The following ARHGAP24 variants were observed in gnomAD, a reference collection of about 807,000 sequenced individuals.
ARHGAP24 encodes the protein rho GTPase-activating protein 24.
A neutral mutation model predicts 76.4 loss-of-function variants in ARHGAP24; 50 were observed. The observed-to-expected ratio is 0.65, with a 90% CI of 0.52 to 0.83. The LOEUF is 0.83. ARHGAP24 is among the 40% of genes least tolerant of loss of function. The pLI, the probability that ARHGAP24 is intolerant of heterozygous loss-of-function variation, is 0.00. For missense variants in ARHGAP24, 930 were observed against 914.2 expected (o/e 1.02, Z -0.22); for synonymous variants, 345 against 323.3 (o/e 1.07, Z -0.72).
chr4:85,570,689 T>A lies in ARHGAP24; in HGVS notation c.148T>A (p.Tyr50Asn), dbSNP rs750770441. 3.7e-6 allele frequency: 6 copies of A among 1,614,092 alleles called. No individual in the cohort carries two copies. The South Asian group carries it at 6.6e-5, about 18-fold the overall frequency. ...TGTGCTCAAGGGGGATCAGCTCTAT[T>A]ATTTCAAAGATGAAGATGAAACCAA... ...WFVLKGDQLY[Y>N]FKDEDETKPL... is the part of the protein sequence containing the mutation. Residue 50 changes from tyrosine to asparagine, a missense_variant, in exon 2 of 10, where the codon TAT becomes AAT. Coordinates refer to ENST00000395184, the MANE Select transcript of ARHGAP24 (RefSeq NM_001025616.3).
chr4:85,807,503 G>A (rs1487599549), intron 3 of ARHGAP24, among the ~76,000 whole-genome samples: 1 of 152,112 alleles, frequency 6.6e-6, no homozygotes, highest in African/African-American at 2.4e-5. Context: ...CCAGGATGTT[G>A]AATAAATAAA....
chr4:85,955,207 T>C (rs1183500748), intron 5 of ARHGAP24, among the ~76,000 whole-genome samples: 1 of 151,914 alleles, frequency 6.6e-6, no homozygotes, highest in Non-Finnish European at 1.5e-5. Flanking sequence ...ACTATTTGAA[T>C]AAGCCCATGC....
intron 2 of ARHGAP24, among the ~76,000 whole-genome samples, chr4:85,620,551 C>T (rs1560555882): frequency 6.6e-6 from 1 of 151,438 alleles, no homozygotes; most frequent in Non-Finnish European, 1.5e-5. Context: ...TTAATCAAAT[C>T]TTTCTAGCCA....
intron 8 of ARHGAP24, among the ~76,000 whole-genome samples, chr4:85,987,909 C>T (rs1313473850): frequency 6.6e-6 from 1 of 151,708 alleles, no homozygotes; most frequent in Non-Finnish European, 1.5e-5. Flanking sequence ...AAGAGAAAAG[C>T]TTAAGAGCAG....
intron 1 of ARHGAP24, among the ~76,000 whole-genome samples, chr4:85,530,807 C>G (rs999482064): frequency 6.6e-6 from 1 of 151,966 alleles, no homozygotes; most frequent in Non-Finnish European, 1.5e-5. Flanking sequence ...CTAGGAAATT[C>G]ATTCTCAAAA....
chr4:85,809,108 C>T (rs1728907853), intron 3 of ARHGAP24, among the ~76,000 whole-genome samples: 1 of 152,134 alleles, frequency 6.6e-6, no homozygotes, highest in African/African-American at 2.4e-5. Flanking sequence ...GCCTCAGGGT[C>T]AACTGGTCTA....
intron 3 of ARHGAP24, among the ~76,000 whole-genome samples, chr4:85,816,677 C>G (rs1729254283): frequency 6.6e-6 from 1 of 152,074 alleles, no homozygotes; most frequent in Admixed American, 6.5e-5. Flanking sequence ...TCAGTAGACA[C>G]TGAGGTTGAT....
chr4:85,973,833 GTTTT>G (rs1199796194), intron 6 of ARHGAP24, among the ~76,000 whole-genome samples: 4 of 42,824 alleles, frequency 9.3e-5, no homozygotes, highest in South Asian at 1.1e-3. Flanking sequence ...GCTGCCTATT[GTTTT>G]TTTTTTTTTT....
At chr4:85,922,877 T>A (rs894597443) in intron 3 of ARHGAP24, among the ~76,000 whole-genome samples, 1 of 152,166 alleles carries the variant, frequency 6.6e-6, no homozygotes, top group Non-Finnish European at 1.5e-5. Flanking sequence ...AAAGTTGATA[T>A]TAGAGATTAT....
chr4:85,724,637 C>T (rs1488016283), intron 3 of ARHGAP24, among the ~76,000 whole-genome samples: 1 of 151,432 alleles, frequency 6.6e-6, no homozygotes, highest in Non-Finnish European at 1.5e-5. Context: ...AATTGAGCGT[C>T]TCAGGTCTTT....
intron 1 of ARHGAP24, among the ~76,000 whole-genome samples, chr4:85,478,851 C>A (rs959221013): frequency 1.3e-5 from 2 of 152,196 alleles, no homozygotes; most frequent in East Asian, 1.9e-4. Flanking sequence ...TTAATCATTT[C>A]ATCTTGTCTG....
At chr4:85,930,441 G>A (rs185378091) in intron 4 of ARHGAP24, 1 of 986,636 alleles carries the variant, frequency 1.0e-6, no homozygotes, top group African/African-American at 1.7e-5. Flanking sequence ...GATGAAAGGA[G>A]CCAGCAAGGA....
At chr4:85,530,867 A>G (rs1725230160) in intron 1 of ARHGAP24, among the ~76,000 whole-genome samples, 1 of 152,062 alleles carries the variant, frequency 6.6e-6, no homozygotes, top group Non-Finnish European at 1.5e-5. Context: ...GAAATAATTA[A>G]TGAGTAAATA....
intron 3 of ARHGAP24, among the ~76,000 whole-genome samples, chr4:85,900,734 C>T (rs570517895): frequency 6.6e-6 from 1 of 152,190 alleles, no homozygotes; most frequent in Non-Finnish European, 1.5e-5. Context: ...CTGGGAAGAC[C>T]GTTCTTCGCA....
intron 3 of ARHGAP24, among the ~76,000 whole-genome samples, chr4:85,824,691 G>GA (rs1053860514): frequency 7.1e-5 from 9 of 127,648 alleles, no homozygotes; most frequent in South Asian, 2.5e-4. Flanking sequence ...AATCCAAGAG[G>GA]AAAAAAAAAC....
intron 3 of ARHGAP24, among the ~76,000 whole-genome samples, chr4:85,779,588 A>G (rs1221916623): frequency 6.6e-6 from 1 of 152,154 alleles, no homozygotes; most frequent in African/African-American, 2.4e-5. Flanking sequence ...TTTTAAAAAA[A>G]TTCTAATAAG....
intron 3 of ARHGAP24, among the ~76,000 whole-genome samples, chr4:85,787,864 A>G (rs1254973609): frequency 2.0e-5 from 3 of 152,202 alleles, no homozygotes; most frequent in South Asian, 2.1e-4. Context: ...ATCTAAGAGC[A>G]AAGGAACCTG....
At chr4:85,662,519 T>C (rs1722436879) in intron 2 of ARHGAP24, among the ~76,000 whole-genome samples, 1 of 151,520 alleles carries the variant, frequency 6.6e-6, no homozygotes. Flanking sequence ...CTCTTTAGTT[T>C]AATTAGATCC....
chr4:85,658,312 T>A (rs1219345039), intron 2 of ARHGAP24, among the ~76,000 whole-genome samples: 1 of 152,224 alleles, frequency 6.6e-6, no homozygotes, highest in East Asian at 1.9e-4. Flanking sequence ...ATGTAGCGGA[T>A]CATTTTTGGA....
Sources: allele counts gnomAD v4.1 joint callset (sites outside exome capture counted in the v4.1 genomes callset), GRCh38; gene constraint gnomAD v4.1.1; transcripts MANE v1.5; gene names NCBI Gene and HGNC (gene_info 2026-07-23, HGNC 2026-07-21).